NEK10: variants seen among roughly 807,000 people sequenced by gnomAD.
NEK10 encodes the protein NIMA related kinase 10.
A neutral mutation model predicts 159.8 loss-of-function variants in NEK10; 122 were observed. The observed-to-expected ratio is 0.76, with a 90% CI of 0.66 to 0.89. NEK10 has a LOEUF of 0.89. Among genes scored for constraint, NEK10 ranks in the 40% least tolerant of loss-of-function variants. NEK10 has a pLI of 0.00. For synonymous variants in NEK10, 466 were observed against 457.1 expected (o/e 1.02, Z -0.25); for missense variants, 1,342 against 1,323.1 (o/e 1.01, Z -0.22).
At chr3:27,355,297 AC>A (rs2048255615) in intron 1 of NEK10, among the ~76,000 whole-genome samples, 1 of 152,010 alleles carries the variant, frequency 6.6e-6, no homozygotes, top group Non-Finnish European at 1.5e-5. Context: ...CCATGGTTTT[AC>A]ATACCATCAG....
intron 22 of NEK10, among the ~76,000 whole-genome samples, chr3:27,262,472 T>A (rs1220292545): frequency 6.6e-6 from 1 of 152,248 alleles, no homozygotes; most frequent in Non-Finnish European, 1.5e-5. Context: ...GATACACCAA[T>A]CAGACGTAGA....
chr3:27,224,214 C>G (rs1475457064), intron 23 of NEK10, among the ~76,000 whole-genome samples: 1 of 152,230 alleles, frequency 6.6e-6, no homozygotes, highest in African/African-American at 2.4e-5. Flanking sequence ...AACTGCCTCC[C>G]CGGCTTTTGG....
intron 5 of NEK10, among the ~76,000 whole-genome samples, chr3:27,338,412 T>C (rs1166564063): frequency 6.6e-6 from 1 of 152,186 alleles, no homozygotes; most frequent in African/African-American, 2.4e-5. Flanking sequence ...TGCATGTGTC[T>C]ATAGTAGAAT....
chr3:27,123,861 C>A (rs1253701506), intron 32 of NEK10, among the ~76,000 whole-genome samples: 1 of 151,786 alleles, frequency 6.6e-6, no homozygotes, highest in Non-Finnish European at 1.5e-5. Context: ...ACGAAGGAAG[C>A]AGCATGCTAG....
chr3:27,314,404 T>A (rs1367344327), intron 6 of NEK10, 66 bp from the exon 7 acceptor site: 3 of 917,672 alleles, frequency 3.3e-6, no homozygotes, highest in Non-Finnish European at 5.3e-6. Context: ...ATATTTTACA[T>A]GCAATTTCTT....
chr3:27,211,295 C>T (rs759827666), intron 23 of NEK10, among the ~76,000 whole-genome samples: 1 of 151,988 alleles, frequency 6.6e-6, no homozygotes, highest in Non-Finnish European at 1.5e-5. Context: ...TGCAAAGTGG[C>T]ATTATTATTA....
chr3:27,179,301 C>G (rs1220971812), intron 26 of NEK10, among the ~76,000 whole-genome samples: 1 of 152,048 alleles, frequency 6.6e-6, no homozygotes, highest in Non-Finnish European at 1.5e-5. Context: ...TTACACAAAG[C>G]TAAAAATTTT....
chr3:27,250,358 T>C (rs528156730), intron 23 of NEK10, among the ~76,000 whole-genome samples: 1 of 152,200 alleles, frequency 6.6e-6, no homozygotes, highest in South Asian at 2.1e-4. Flanking sequence ...GGCTAATTTT[T>C]TGTATTTTTA....
At chr3:27,158,162 T>C (rs1945678909) in intron 30 of NEK10, among the ~76,000 whole-genome samples, 1 of 152,176 alleles carries the variant, frequency 6.6e-6, no homozygotes, top group Non-Finnish European at 1.5e-5. Flanking sequence ...AAAGTTGCAA[T>C]GAAGGTGCTT....
At chr3:27,337,909 T>C (rs537685816) in intron 5 of NEK10, among the ~76,000 whole-genome samples, 17 of 152,298 alleles carry the variant, frequency 1.1e-4, no homozygotes, top group South Asian at 1.0e-3. Context: ...GGCAAAGATT[T>C]TTTTTTAGGG....
intron 32 of NEK10, among the ~76,000 whole-genome samples, chr3:27,121,696 T>G (rs902368668): frequency 2.0e-5 from 3 of 152,176 alleles, no homozygotes; most frequent in African/African-American, 7.2e-5. Context: ...AATTTCCCAG[T>G]CTTGGGTACG....
chr3:27,238,462 T>C (rs903185806), intron 23 of NEK10, among the ~76,000 whole-genome samples: 1 of 152,182 alleles, frequency 6.6e-6, no homozygotes, highest in Non-Finnish European at 1.5e-5. Flanking sequence ...GAAAACAATA[T>C]AAGAAACTTT....
intron 23 of NEK10, chr3:27,255,017 T>C (rs1956036599): frequency 6.2e-6 from 1 of 161,072 alleles, no homozygotes; most frequent in Admixed American, 6.5e-5. Context: ...AAATATGCTT[T>C]CACCAAGTAT....
intron 5 of NEK10, among the ~76,000 whole-genome samples, chr3:27,335,553 GCAAAATACAGTTC>G: frequency 6.6e-6 from 1 of 152,074 alleles, no homozygotes; most frequent in African/African-American, 2.4e-5. Context: ...CTCAACAACT[GCAAAATACAGTTC>G]TTCTCCTCAG....
At chr3:27,133,315 T>C (rs1004121341) in intron 31 of NEK10, among the ~76,000 whole-genome samples, 2 of 152,150 alleles carry the variant, frequency 1.3e-5, no homozygotes, top group Admixed American at 6.5e-5. Context: ...ATATAAAAGA[T>C]AATGGCAGAG....
chr3:27,132,728 G>A (rs1421324061), intron 31 of NEK10, among the ~76,000 whole-genome samples: 1 of 152,132 alleles, frequency 6.6e-6, no homozygotes, highest in Admixed American at 6.5e-5. Flanking sequence ...GTGACATTTA[G>A]AAGAAGGATA....
In NEK10 at chr3:27,108,813, G is replaced by C. The variant is rs886094625; in HGVS notation, c.*2459C>G. Among the ~76,000 whole-genome samples the C allele has an allele frequency of 9.2e-5, 14 of 152,196 alleles. No homozygotes were observed. Among genetic ancestry groups the C allele is most frequent in the Admixed American group, 2.0e-4 (3 of 15,270 alleles). On this transcript the variant is annotated 3_prime_UTR_variant, in exon 36 of 36. Coordinates refer to ENST00000691995, the MANE Select transcript of NEK10 (RefSeq NM_001394966.1). ...TTTGTGTTAGAAAGGCTTCTGAAAA[G>C]TTAACTTCTCTGTTGGGATGTGACT... is the stretch of plus-strand genomic sequence containing the variant.
chr3:27,312,229 G>A, intron 7 of NEK10, 52 bp from the exon 8 acceptor site: 3 of 1,024,808 alleles, frequency 2.9e-6, no homozygotes, highest in Non-Finnish European at 2.9e-6. Flanking sequence ...AAGCACCCAA[G>A]GAAGCAAGGA....
intron 5 of NEK10, among the ~76,000 whole-genome samples, chr3:27,335,407 C>T (rs773071411): frequency 1.9e-4 from 28 of 150,496 alleles, no homozygotes; most frequent in Non-Finnish European, 3.7e-4. Context: ...ACAATAATAG[C>T]GAGGGACTTT....
Sources: allele counts gnomAD v4.1 joint callset (sites outside exome capture counted in the v4.1 genomes callset), GRCh38; gene constraint gnomAD v4.1.1; transcripts MANE v1.5; gene names NCBI Gene and HGNC (gene_info 2026-07-23, HGNC 2026-07-21).